The following ZFP28 variants were observed in gnomAD, a reference collection of about 807,000 sequenced individuals.
The protein encoded by ZFP28 is ZFP28 zinc finger protein.
A neutral mutation model predicts 39.5 loss-of-function variants in ZFP28; 31 were observed. The observed-to-expected ratio is 0.79, with a 90% CI of 0.59 to 1.06. The LOEUF (loss-of-function observed/expected upper bound fraction) is 1.06. Ranked by LOEUF, ZFP28 falls within the 50% of genes least tolerant of loss-of-function variation. The pLI is 0.00. For synonymous variants in ZFP28, 400 were observed against 378.6 expected (o/e 1.06, Z -0.66); for missense variants, 925 against 1,048.4 (o/e 0.88, Z 1.63).
At chr19:56,551,080 G>A in intron 7 of ZFP28, 1 of 1,092,376 alleles carries the variant, frequency 9.2e-7, no homozygotes, top group East Asian at 7.0e-5. Context: ...CTAATGGAAA[G>A]GATAAGACAT....
intron 7 of ZFP28, among the ~76,000 whole-genome samples, chr19:56,553,477 T>C (rs2044322825): frequency 6.6e-6 from 1 of 152,168 alleles, no homozygotes; most frequent in African/African-American, 2.4e-5. Context: ...GTGATCTGCC[T>C]CAGGTGATCC....
At chr19:56,540,110 A>C (rs1400359331) in intron 2 of ZFP28, among the ~76,000 whole-genome samples, 5 of 152,198 alleles carry the variant, frequency 3.3e-5, no homozygotes, top group Non-Finnish European at 7.3e-5. Flanking sequence ...CCTGCTCTGG[A>C]GCTCACAGCC....
chr19:56,542,594 T>C (rs1035925385), intron 2 of ZFP28, among the ~76,000 whole-genome samples: 4 of 152,242 alleles, frequency 2.6e-5, no homozygotes, highest in African/African-American at 4.8e-5. Flanking sequence ...CCTTACTTCA[T>C]AGGCAAGGAT....
intron 2 of ZFP28, among the ~76,000 whole-genome samples, chr19:56,541,877 ATTTTTTTTTTTTT>A (rs11297964): frequency 1.8e-4 from 11 of 61,346 alleles, no homozygotes; most frequent in Non-Finnish European, 2.4e-4. Context: ...CACCTGGCTA[ATTTTTTTTTTTTT>A]TTTTTTTTTT....
At chr19:56,540,998 G>T (rs536846847) in intron 2 of ZFP28, among the ~76,000 whole-genome samples, 3 of 152,206 alleles carry the variant, frequency 2.0e-5, no homozygotes, top group Non-Finnish European at 2.9e-5. Context: ...GTCTCCTGGG[G>T]ATAGTAGCCT....
rs371030319 is a variant in ZFP28 at position 56,554,078 on chromosome 19, G to T, written c.1293G>T (p.Gln431His). The T allele has an allele frequency of 1.2e-6, 2 of 1,614,080 alleles. No individual in the cohort carries two copies. Among genetic ancestry groups the T allele is most frequent in the African/African-American group, 2.7e-5 (2 of 74,932 alleles). ...KCNECKKTFTQSSSLTVHQRI... is the reference protein window; with the variant it reads ...KCNECKKTFTHSSSLTVHQRI... Reference sequence around the variant, plus strand: ...ATGAATGTAAGAAAACTTTTACCCAGAGCTCATCTCTTACTGTTCATCAGA... The same window carrying T: ...ATGAATGTAAGAAAACTTTTACCCATAGCTCATCTCTTACTGTTCATCAGA... Residue 431 changes from glutamine to histidine, a missense_variant, in exon 8 of 8, where the codon CAG becomes CAT. Gln to His is a conservative substitution (Grantham distance 24). Coordinates refer to ENST00000301318, the MANE Select transcript of ZFP28 (RefSeq NM_020828.2). The surrounding 1 kb of genome is among the most constrained non-coding windows in gnomAD (Gnocchi z 6.7).
At chr19:56,551,458 C>T in intron 7 of ZFP28, 2 of 985,302 alleles carry the variant, frequency 2.0e-6, no homozygotes, top group Non-Finnish European at 2.4e-6. Context: ...CATGTGGATT[C>T]CACGTTGTAT....
intron 2 of ZFP28, among the ~76,000 whole-genome samples, 170 bp downstream of exon 2, chr19:56,539,886 G>A (rs549456317): frequency 2.0e-5 from 3 of 152,284 alleles, no homozygotes; most frequent in African/African-American, 7.2e-5. Context: ...TAAACTGCCC[G>A]GGGCCTCGAT....
intron 5 of ZFP28, among the ~76,000 whole-genome samples, 154 bp from the exon 6 acceptor site, chr19:56,549,913 A>G (rs1285283245): frequency 2.6e-5 from 4 of 152,198 alleles, no homozygotes; most frequent in Non-Finnish European, 5.9e-5. Context: ...GCTATAACTA[A>G]GCCCTGTCAT....
chr19:56,538,103 G>A (rs1416390538), upstream of ZFP28: 2 of 152,260 alleles, frequency 1.3e-5, no homozygotes, highest in East Asian at 3.9e-4. Flanking sequence ...TTTCGACCCA[G>A]GACGTGCAAA....
At chr19:56,546,121 T>G (rs1308601428) in intron 2 of ZFP28, 3 of 152,218 alleles carry the variant, frequency 2.0e-5, no homozygotes, top group Non-Finnish European at 4.4e-5. Flanking sequence ...TTGTTGCCTT[T>G]TCCATTTTAT....
chr19:56,546,212 T>C (rs2147953200), intron 2 of ZFP28: 1 of 152,330 alleles, frequency 6.6e-6, no homozygotes, highest in East Asian at 1.9e-4. Context: ...GTAATTCAGC[T>C]TTTGGGGTAG....
At position 56,556,668 on chromosome 19, in the gene ZFP28, G is replaced by A. The variant is rs1178610392; in HGVS notation, c.*1276G>A. On this transcript the variant is annotated 3_prime_UTR_variant, in exon 8 of 8. Coordinates refer to ENST00000301318, the MANE Select transcript of ZFP28 (RefSeq NM_020828.2). ...GTATAAAAGATTTTAATTTTATGAG[G>A]GCAATACAACTGTCACATCAGAAAC... The A allele has an allele frequency of 6.6e-6, 1 of 151,760 alleles. No homozygotes were observed. The highest frequency in any genetic ancestry group is 2.4e-5 in the African/African-American group (1 of 41,262). 9.4% of individuals were successfully genotyped at this position (151,760 alleles called of 1,614,324 possible). A position where few individuals can be genotyped will look rare whatever the true frequency, so the allele number is the denominator to read the frequency against.
At chr19:56,543,421 TCTCA>T (rs1351454241) in intron 2 of ZFP28, among the ~76,000 whole-genome samples, 22 of 150,232 alleles carry the variant, frequency 1.5e-4, no homozygotes, top group Non-Finnish European at 2.7e-4. Flanking sequence ...GAGATGGGAG[TCTCA>T]CTGTTTTGCC....
intron 7 of ZFP28, 73 bp downstream of exon 7, chr19:56,550,678 CCTCA>C (rs1568487000): frequency 1.2e-6 from 2 of 1,606,058 alleles, no homozygotes; most frequent in Admixed American, 3.4e-5. Context: ...AAGGCTGCAT[CCTCA>C]CTAATATACA....
chr19:56,551,158 G>A (rs2044298436), intron 7 of ZFP28: 4 of 995,992 alleles, frequency 4.0e-6, no homozygotes, highest in Non-Finnish European at 4.8e-6. Flanking sequence ...AGACAAAGGA[G>A]ATGTTGTTCC....
chr19:56,539,115 G>C lies in ZFP28; in HGVS notation c.97G>C (p.Val33Leu). The change falls in exon 1 of 8, where the codon GTA becomes CTA. Residue 33 changes from valine (V) to leucine (L), a missense_variant. Physicochemically the swap from Val to Leu is conservative, Grantham distance 32 (BLOSUM62 1). Coordinates refer to ENST00000301318, the MANE Select transcript of ZFP28 (RefSeq NM_020828.2). ...GCCCCGGGCGGGCCGAGGCCCGACT[G>C]TAGGGACTCCAGCCACCTTGGCCCT... ...TKPRAGRGPT[V>L]GTPATLALPA... 4 of 1,573,088 alleles carry C rather than the reference G, an allele frequency of 2.5e-6. No homozygotes were observed. Among genetic ancestry groups the C allele is most frequent in the Non-Finnish European group, 3.4e-6 (4 of 1,165,450 alleles).
rs1489069955 is a variant in ZFP28, at chr19:56,555,393, C to T, written c.*1C>T. 2.5e-6 allele frequency: 4 copies of T among 1,596,174 alleles called. No individual in the cohort carries two copies. In the East Asian group the frequency reaches 8.9e-5, roughly 36 times the overall value. ...TCCATCCTCCCTCCCATCACCATAG[C>T]CTCGAGACGTCATTTCTGTTTGACT... On this transcript the variant is annotated 3_prime_UTR_variant, in exon 8 of 8. Coordinates refer to ENST00000301318, the MANE Select transcript of ZFP28 (RefSeq NM_020828.2).
In ZFP28 at chr19:56,554,083, C is replaced by T; in HGVS notation, c.1298C>T (p.Ser433Leu). 1 of 1,614,232 alleles carries T rather than the reference C, an allele frequency of 6.2e-7. No individual in the cohort carries two copies. Residue 433 changes from serine (S) to leucine (L), a missense_variant, in exon 8 of 8, where the codon TCA becomes TTA. Ser to Leu is a moderately radical substitution (Grantham distance 145). Around this residue, in one of 2 missense-constraint regions of ZFP28, gnomAD observed 556 missense variants for 542.9 expected, o/e 1.02. Transcript: ENST00000301318. The surrounding 1 kb of genome is among the most constrained non-coding windows in gnomAD (Gnocchi z 6.7). ...TGTAAGAAAACTTTTACCCAGAGCT[C>T]ATCTCTTACTGTTCATCAGAGAATT... Reference protein sequence around the residue: ...NECKKTFTQSSSLTVHQRIHT... With the variant: ...NECKKTFTQSLSLTVHQRIHT...
Sources: gnomAD v4.1 joint callset for allele counts (sites outside exome capture counted in the v4.1 genomes callset) on GRCh38, gnomAD v4.1.1 for gene constraint, gnomAD v4.1.1 regional missense constraint, Gnocchi (gnomAD v3.1) non-coding constraint, MANE v1.5 for transcripts, NCBI Gene and HGNC (gene_info 2026-07-23, HGNC 2026-07-21) for gene names.